Variants in ALK observed in about 807,000 individuals in gnomAD.
ALK encodes ALK receptor tyrosine kinase, also known as ALK tyrosine kinase receptor.
Under a neutral mutation model 163.1 loss-of-function variants are expected in ALK, and 74 were observed. The ratio of observed to expected loss-of-function variants is 0.45; its 90% CI spans 0.38 to 0.55. The LOEUF (loss-of-function observed/expected upper bound fraction) is 0.55. Among genes scored for constraint, ALK ranks in the 20% least tolerant of loss-of-function variants. ALK has a pLI of 0.00. For synonymous variants in ALK, 960 were observed against 843.2 expected (o/e 1.14, Z -2.40); for missense variants, 2,063 against 2,105.3 (o/e 0.98, Z 0.39).
At chr2:29,860,274 A>G (rs890680106) in intron 1 of ALK, among the ~76,000 whole-genome samples, 5 of 152,058 alleles carry the variant, frequency 3.3e-5, no homozygotes, top group Non-Finnish European at 7.4e-5. Context: ...TACCTCTCAA[A>G]TCCTACCATA....
chr2:29,367,124 T>C (rs1194670468), intron 5 of ALK, among the ~76,000 whole-genome samples: 1 of 152,170 alleles, frequency 6.6e-6, no homozygotes, highest in Non-Finnish European at 1.5e-5. Flanking sequence ...CTGGATGCCA[T>C]GTGTTCCATT....
At chr2:29,834,438 TC>T (rs1033722314) in intron 1 of ALK, among the ~76,000 whole-genome samples, 1 of 152,184 alleles carries the variant, frequency 6.6e-6, no homozygotes, top group Non-Finnish European at 1.5e-5. Context: ...GGCAGAAAAT[TC>T]TAGGGGAAGT....
At chr2:29,367,274 C>T (rs1292678764) in intron 5 of ALK, among the ~76,000 whole-genome samples, 1 of 152,034 alleles carries the variant, frequency 6.6e-6, no homozygotes, top group Non-Finnish European at 1.5e-5. Context: ...AACACAGAGA[C>T]TTTAAAGTCA....
rs1456087587 is a variant in ALK, at chr2:29,883,158, G to GAGGAA, written c.667+36830_667+36834dup. On this transcript the variant is annotated intron_variant, in intron 1 of 28. Transcript: ENST00000389048. ...GAAAAAAAGAAAAAGAAAAAGAAAA[G>GAGGAA]AGGAAAGGAAAGGAAAAGAAAAGAA... Among the ~76,000 whole-genome samples the GAGGAA allele has an allele frequency of 1.9e-3, 292 of 151,904 alleles. 2 individuals are homozygous for GAGGAA. The highest frequency in any genetic ancestry group is 6.7e-3 in the African/African-American group (276 of 41,422).
chr2:29,707,405 G>A (rs1226861692), intron 2 of ALK, among the ~76,000 whole-genome samples: 2 of 152,152 alleles, frequency 1.3e-5, no homozygotes, highest in African/African-American at 4.8e-5. Flanking sequence ...GGATGAACTT[G>A]CCCATACCTA....
intron 1 of ALK, among the ~76,000 whole-genome samples, chr2:29,864,455 A>G (rs1042328868): frequency 2.6e-5 from 4 of 152,018 alleles, no homozygotes; most frequent in Non-Finnish European, 4.4e-5. Flanking sequence ...CACAACATAC[A>G]ATTTTTGCTT....
chr2:29,430,751 A>G (rs1028768490), intron 4 of ALK, among the ~76,000 whole-genome samples: 1 of 152,238 alleles, frequency 6.6e-6, no homozygotes, highest in Admixed American at 6.5e-5. Flanking sequence ...CTGTTTAATG[A>G]ATGAACAAAG....
At chr2:29,787,263 A>G (rs1381078298) in intron 1 of ALK, among the ~76,000 whole-genome samples, 1 of 152,248 alleles carries the variant, frequency 6.6e-6, no homozygotes, top group Non-Finnish European at 1.5e-5. Flanking sequence ...TTGTTCATCT[A>G]GAATACATGT....
intron 1 of ALK, among the ~76,000 whole-genome samples, chr2:29,719,105 C>T (rs1377055203): frequency 6.6e-6 from 1 of 152,236 alleles, no homozygotes. Flanking sequence ...CCTGCAGGTG[C>T]TGCCCTTAGG....
At chr2:29,285,206 T>C (rs753539097) in intron 9 of ALK, among the ~76,000 whole-genome samples, 10 of 152,148 alleles carry the variant, frequency 6.6e-5, no homozygotes, top group Non-Finnish European at 1.0e-4. Context: ...ATATCCCCCA[T>C]GCTCTGTGCT....
At chr2:29,851,861 G>A (rs1666001763) in intron 1 of ALK, among the ~76,000 whole-genome samples, 1 of 152,234 alleles carries the variant, frequency 6.6e-6, no homozygotes, top group Admixed American at 6.5e-5. Context: ...AGAGGGTAGA[G>A]CAGGCATAGA....
At chr2:29,206,075 A>G (rs1470668515) in intron 26 of ALK, among the ~76,000 whole-genome samples, 2 of 152,148 alleles carry the variant, frequency 1.3e-5, no homozygotes, top group Non-Finnish European at 1.5e-5. Context: ...GATGGTAGAT[A>G]AGGGACAGCC....
intron 3 of ALK, among the ~76,000 whole-genome samples, chr2:29,561,845 T>C (rs1558385055): frequency 6.6e-6 from 1 of 152,128 alleles, no homozygotes; most frequent in Non-Finnish European, 1.5e-5. Flanking sequence ...GTAGTGGTGG[T>C]GGTTAAAGCA....
chr2:29,867,679 C>A (rs2148410330), intron 1 of ALK, among the ~76,000 whole-genome samples: 1 of 152,338 alleles, frequency 6.6e-6, no homozygotes, highest in South Asian at 2.1e-4. Flanking sequence ...GGGACTGTGA[C>A]ATTTCAATGG....
At chr2:29,864,017 TTTATC>T (rs1465179173) in intron 1 of ALK, among the ~76,000 whole-genome samples, 1 of 152,196 alleles carries the variant, frequency 6.6e-6, no homozygotes, top group Non-Finnish European at 1.5e-5. Flanking sequence ...AACATAATGC[TTTATC>T]TTATTTCATA....
At chr2:29,299,653 T>C (rs1435002266) in intron 8 of ALK, among the ~76,000 whole-genome samples, 2 of 152,234 alleles carry the variant, frequency 1.3e-5, no homozygotes, top group South Asian at 4.1e-4. Context: ...CAGTGGGTGC[T>C]GCATTTCAAA....
At chr2:29,690,803 G>T (rs1282819877) in intron 3 of ALK, among the ~76,000 whole-genome samples, 1 of 152,070 alleles carries the variant, frequency 6.6e-6, no homozygotes, top group South Asian at 2.1e-4. Flanking sequence ...CCTTTTTCTG[G>T]TCCTTCTATA....
chr2:29,289,651 C>T lies in ALK; in HGVS notation c.1817+7237G>A, dbSNP rs1017579994. The stretch of plus-strand genomic sequence containing the variant: ...CATCAGGGCAATTCAACTCCCCTCG[C>T]GAGAGGCAGGTGAGACATTCCTCTC... On this transcript the variant is annotated intron_variant, in intron 9 of 28. Coordinates refer to ENST00000389048, the MANE Select transcript of ALK (RefSeq NM_004304.5). Among the ~76,000 whole-genome samples, 8 of 152,276 alleles carry T rather than the reference C, an allele frequency of 5.3e-5. No individual in the cohort carries two copies. The South Asian group carries it at 1.5e-3, about 28-fold the overall frequency.
At chr2:29,498,389 A>G (rs577827265) in intron 4 of ALK, among the ~76,000 whole-genome samples, 2 of 152,104 alleles carry the variant, frequency 1.3e-5, no homozygotes, top group Non-Finnish European at 2.9e-5. Flanking sequence ...TTCAAAATCT[A>G]AAGCCTGTAG....
Sources: allele counts gnomAD v4.1 joint callset (sites outside exome capture counted in the v4.1 genomes callset), GRCh38; gene constraint gnomAD v4.1.1; transcripts MANE v1.5; gene names NCBI Gene and HGNC (gene_info 2026-07-23, HGNC 2026-07-21).